Variants in TMTC3 observed in about 807,000 individuals in gnomAD.
TMTC3 encodes the protein protein O-mannosyl-transferase TMTC3.
TMTC3 carries 52 observed loss-of-function variants against 92.2 expected under a neutral mutation model. The observed-to-expected ratio is 0.56, with a 90% CI of 0.45 to 0.71. TMTC3 has a LOEUF of 0.71. Among genes scored for constraint, TMTC3 ranks in the 30% least tolerant of loss-of-function variants. The pLI is 0.00. For missense variants in TMTC3, 896 were observed against 1,057.1 expected, an observed-to-expected ratio of 0.85 and a Z score of 2.11; for synonymous variants, 339 against 363.3, an observed-to-expected ratio of 0.93 and a Z score of 0.76.
chr12:88,156,418 A>G (rs1206275312), intron 4 of TMTC3, among the ~76,000 whole-genome samples: 1 of 152,178 alleles, frequency 6.6e-6, no homozygotes, highest in Admixed American at 6.5e-5. Flanking sequence ...TACCAGTGCT[A>G]CTAGGCACAC....
At chr12:88,184,275 C>T (rs1343951839) in intron 10 of TMTC3, among the ~76,000 whole-genome samples, 1 of 151,974 alleles carries the variant, frequency 6.6e-6, no homozygotes, top group Non-Finnish European at 1.5e-5. Flanking sequence ...CATTGTCGAC[C>T]CCCCAAGTAG....
chr12:88,152,933 T>C (rs2040960078), intron 2 of TMTC3, among the ~76,000 whole-genome samples: 1 of 152,186 alleles, frequency 6.6e-6, no homozygotes, highest in Non-Finnish European at 1.5e-5. Context: ...TGCTGATAGA[T>C]ATGGAGGCAG....
chr12:88,147,963 C>T (rs1034685063), intron 1 of TMTC3, among the ~76,000 whole-genome samples: 7 of 152,064 alleles, frequency 4.6e-5, no homozygotes, highest in African/African-American at 1.7e-4. Flanking sequence ...CAATATGCTG[C>T]CTTTTCCCTG....
chr12:88,173,544 T>C (rs184498591), intron 8 of TMTC3, among the ~76,000 whole-genome samples: 1 of 152,172 alleles, frequency 6.6e-6, no homozygotes, highest in African/African-American at 2.4e-5. Flanking sequence ...GTATTTGTCC[T>C]GATTAATTCT....
chr12:88,192,811 T>C lies in TMTC3; in HGVS notation c.1914T>C (p.Ala638=), dbSNP rs2041459419. The change falls in exon 13 of 14, where the codon GCT becomes GCC. Residue 638 remains alanine, a synonymous_variant. Transcript: ENST00000266712. ...ATAAACTAGCATTATTCAACTCTGC[T>C]ATAGTAATGCAAGAATCAGGTATGT... ...PKHKLALFNS[A]IVMQESGEVK... 1 of 1,610,098 alleles carries C rather than the reference T, an allele frequency of 6.2e-7. No individual in the cohort carries two copies. Among genetic ancestry groups the C allele is most frequent in the African/African-American group, 1.3e-5 (1 of 74,816 alleles).
intron 2 of TMTC3, among the ~76,000 whole-genome samples, chr12:88,151,926 T>C (rs1019761114): frequency 3.3e-5 from 5 of 152,160 alleles, no homozygotes; most frequent in Non-Finnish European, 7.3e-5. Context: ...ATGGAGTATA[T>C]AGTCAGTACA....
At chr12:88,148,578 T>C in intron 2 of TMTC3, 74 bp downstream of exon 2, 1 of 1,125,250 alleles carries the variant, frequency 8.9e-7, no homozygotes, top group Non-Finnish European at 1.3e-6. Context: ...TACTTCTAAT[T>C]CTTTATCAAC....
chr12:88,191,841 CT>C (rs1167715375), intron 12 of TMTC3, among the ~76,000 whole-genome samples: 1 of 151,918 alleles, frequency 6.6e-6, no homozygotes, highest in Non-Finnish European at 1.5e-5. Context: ...TCACTATTAG[CT>C]GGGACTACAG....
rs1385964267 is a variant in TMTC3 at position 88,172,696 on chromosome 12, G to A, written c.1150G>A (p.Gly384Arg). The A allele has an allele frequency of 1.9e-6, 3 of 1,602,392 alleles. No individual in the cohort carries two copies. Among genetic ancestry groups the A allele is most frequent in the Non-Finnish European group, 1.7e-6 (2 of 1,175,410 alleles). ...AERVLYVPSM[G>R]FCILVAHGWQ... ...GCGAGTATTATATGTTCCCAGCATG[G>A]GGTTCTGTATTTTGGTAGCCCATGG... The change falls in exon 8 of 14, where the codon GGG becomes AGG. Residue 384 changes from glycine (G) to arginine (R), a missense_variant. Transcript: ENST00000266712.
rs1176813154 is a variant in TMTC3 at position 88,158,096 on chromosome 12, T to C, written c.509-2018T>C. ...TACAATTCTTTCCTCATCTTAAAAA[T>C]GGGTATGATTACATCCATGTTCTTA... On this transcript the variant is annotated intron_variant, in intron 4 of 13. Transcript: ENST00000266712. 3.9e-5 allele frequency among the ~76,000 whole-genome samples: 6 copies of C among 152,182 alleles called. No homozygotes were observed. In the East Asian group the frequency reaches 9.6e-4, roughly 24 times the overall value.
At chr12:88,184,661 C>T (rs1047073938) in intron 10 of TMTC3, among the ~76,000 whole-genome samples, 46 of 152,188 alleles carry the variant, frequency 3.0e-4, no homozygotes, top group African/African-American at 1.0e-3. Context: ...TGTGTCAAGA[C>T]ACTGTTTTAA....
intron 2 of TMTC3, among the ~76,000 whole-genome samples, chr12:88,149,015 T>A (rs554527089): frequency 6.6e-6 from 1 of 152,150 alleles, no homozygotes; most frequent in East Asian, 1.9e-4. Context: ...AGATGTGATA[T>A]ATTTCAACAT....
chr12:88,183,325 T>C (rs2041339010), intron 10 of TMTC3, among the ~76,000 whole-genome samples: 1 of 152,182 alleles, frequency 6.6e-6, no homozygotes, highest in African/African-American at 2.4e-5. Context: ...CTTTAATGCT[T>C]TTCCTTATCT....
chr12:88,166,693 A>G, intron 7 of TMTC3, 111 bp downstream of exon 7: 1 of 1,187,112 alleles, frequency 8.4e-7, no homozygotes, highest in South Asian at 1.6e-5. Flanking sequence ...TTCTTTGTTC[A>G]ACGGCATCCC....
Position 88,194,949 on chromosome 12 carries a change from A to G in TMTC3, c.2045A>G (p.Lys682Arg), listed in dbSNP as rs2041491661. Residue 682 changes from lysine (K) to arginine (R), a missense_variant, in exon 14 of 14, where the codon AAA (lysine) becomes AGA (arginine). Lys to Arg is a conservative substitution (Grantham distance 26, BLOSUM62 2). Coordinates refer to ENST00000266712, the MANE Select transcript of TMTC3 (RefSeq NM_181783.4). Reference sequence around the variant, plus strand: ...TTGGGAATGCTTGCCATGGATGACAAAAAGGACAATGAAGCAGAGATTTGG... The same window carrying G: ...TTGGGAATGCTTGCCATGGATGACAGAAAGGACAATGAAGCAGAGATTTGG... ...FNLGMLAMDD[K>R]KDNEAEIWMK... 2 of 1,613,840 alleles carry G rather than the reference A, an allele frequency of 1.2e-6. No homozygotes were observed. Among genetic ancestry groups the G allele is most frequent in the South Asian group, 1.1e-5 (1 of 91,076 alleles).
In TMTC3 at chr12:88,160,774, T is replaced by G; in HGVS notation, c.720T>G (p.Ile240Met). 1 of 1,613,724 alleles carries G rather than the reference T, an allele frequency of 6.2e-7. No homozygotes were observed. Among genetic ancestry groups the G allele is most frequent in the Non-Finnish European group, 8.5e-7 (1 of 1,179,772 alleles). ...TGCTGCAGACACTAGTAAAACTCAT[T>G]GTCTTGATGTTCAGTACATTATTAC... The part of the protein sequence containing the change: ...FSMLQTLVKL[I>M]VLMFSTLLLV... The change falls in exon 6 of 14, where the codon ATT becomes ATG. Residue 240 changes from isoleucine (I) to methionine (M), a missense_variant. Ile to Met is a conservative substitution (Grantham distance 10). Coordinates refer to ENST00000266712, the MANE Select transcript of TMTC3 (RefSeq NM_181783.4).
At chr12:88,175,892 A>G (rs1384994920) in intron 9 of TMTC3, among the ~76,000 whole-genome samples, 1 of 152,258 alleles carries the variant, frequency 6.6e-6, no homozygotes, top group Non-Finnish European at 1.5e-5. Flanking sequence ...CTCATGTTCC[A>G]GTGCTTTTGC....
chr12:88,155,310 A>C (rs763234209), intron 4 of TMTC3, among the ~76,000 whole-genome samples: 1 of 152,220 alleles, frequency 6.6e-6, no homozygotes, highest in Non-Finnish European at 1.5e-5. Context: ...AAATGTGCAT[A>C]ATAATAGTCC....
chr12:88,184,659 G>A (rs2041355845), intron 10 of TMTC3, among the ~76,000 whole-genome samples: 2 of 152,172 alleles, frequency 1.3e-5, no homozygotes, highest in Admixed American at 1.3e-4. Flanking sequence ...CATGTGTCAA[G>A]ACACTGTTTT....
Sources: gnomAD v4.1 joint callset for allele counts (sites outside exome capture counted in the v4.1 genomes callset) on GRCh38, gnomAD v4.1.1 for gene constraint, MANE v1.5 for transcripts, NCBI Gene and HGNC (gene_info 2026-07-23, HGNC 2026-07-21) for gene names.